WDFY2: variants seen among roughly 807,000 people sequenced by gnomAD.
WDFY2 encodes WD repeat and FYVE domain containing 2.
A neutral mutation model predicts 56.4 loss-of-function variants in WDFY2; 36 were observed. The observed-to-expected ratio is 0.64, with a 90% CI of 0.49 to 0.84. WDFY2 has a LOEUF of 0.84. Among genes scored for constraint, WDFY2 ranks in the 40% least tolerant of loss-of-function variants. The pLI, the probability that WDFY2 is intolerant of heterozygous loss-of-function variation, is 0.00. For synonymous variants in WDFY2, 176 were observed against 183.7 expected (o/e 0.96, Z 0.34); for missense variants, 444 against 512.2 (o/e 0.87, Z 1.29).
rs149905645 is a variant in WDFY2 at position 51,739,086 on chromosome 13, G to A, written c.636G>A (p.Arg212=). 1.3e-4 allele frequency: 204 copies of A among 1,601,674 alleles called. No homozygotes were observed. The highest frequency in any genetic ancestry group is 1.7e-4 in the Non-Finnish European group (197 of 1,174,456). ...CTCTCTGTTGGGACCCAGTCCAGCG[G>A]GTGTTGTTCTCAGGCAGTTCAGATC... ...VTALCWDPVQ[R]VLFSGSSDHS... is the part of the protein sequence containing the mutation. The change falls in exon 7 of 12, where the codon CGG becomes CGA. Residue 212 remains arginine (R), a synonymous_variant. Transcript: ENST00000298125.
In WDFY2 at chr13:51,584,493, G is replaced by A; in HGVS notation, c.-195G>A. Reference sequence around the variant, plus strand: ...GCGCCGGCTTGCATCCCAGGTCGTGGCGGTTTTGGTGCCTGAAGCAGGGAG... The same window carrying A: ...GCGCCGGCTTGCATCCCAGGTCGTGACGGTTTTGGTGCCTGAAGCAGGGAG... On this transcript the variant is annotated 5_prime_UTR_variant, in exon 1 of 12. Coordinates refer to ENST00000298125, the MANE Select transcript of WDFY2 (RefSeq NM_052950.4). The A allele has an allele frequency of 7.3e-6, 5 of 682,420 alleles. No individual in the cohort carries two copies. Among genetic ancestry groups the A allele is most frequent in the Non-Finnish European group, 1.1e-5 (5 of 435,546 alleles). The allele number at this position is 682,420 out of a possible 1,614,324, so 42.3% of individuals were successfully genotyped here.
intron 3 of WDFY2, among the ~76,000 whole-genome samples, chr13:51,680,461 A>T (rs927141336): frequency 1.3e-5 from 2 of 152,178 alleles, no homozygotes; most frequent in Non-Finnish European, 2.9e-5. Context: ...CTAATCCAGT[A>T]TGATCCTGTC....
chr13:51,745,950 C>CTTTTCT lies in WDFY2; in HGVS notation c.726-5337_726-5332dup, dbSNP rs1306519420. Among the ~76,000 whole-genome samples the CTTTTCT allele has an allele frequency of 9.3e-3, 1,296 of 139,530 alleles. 12 individuals carry two copies. Among genetic ancestry groups the CTTTTCT allele is most frequent in the Non-Finnish European group, 0.016 (999 of 63,498 alleles). 91.5% of individuals were successfully genotyped at this position (139,530 alleles called of 152,430 possible). A position where few individuals can be genotyped will look rare whatever the true frequency, so the allele number is the denominator to read the frequency against. ...TTTTTATAAAGAATCTTGCACTGGACTTTTCTTTTTCTTTTTCTTTTTCTT... is the reference window on the plus strand; with the variant it reads ...TTTTTATAAAGAATCTTGCACTGGACTTTTCTTTTTCTTTTTCTTTTTCTTTTTCTT... On this transcript the variant is annotated intron_variant, in intron 7 of 11. Transcript: ENST00000298125.
intron 1 of WDFY2, chr13:51,593,926 G>A (rs1000392207): frequency 2.0e-5 from 3 of 152,194 alleles, no homozygotes; most frequent in Non-Finnish European, 4.4e-5. Flanking sequence ...ATGAGAGACA[G>A]GGTCTCACCA....
chr13:51,660,249 T>C (rs1291194494), intron 1 of WDFY2, among the ~76,000 whole-genome samples: 1 of 151,972 alleles, frequency 6.6e-6, no homozygotes, highest in African/African-American at 2.4e-5. Context: ...CAGGCTGGAG[T>C]GCAGTGGCAT....
intron 4 of WDFY2, among the ~76,000 whole-genome samples, chr13:51,713,102 GAA>G (rs1566167745): frequency 6.6e-6 from 1 of 152,150 alleles, no homozygotes; most frequent in Non-Finnish European, 1.5e-5. Flanking sequence ...TTGCAGAAGT[GAA>G]AGACTTTCCA....
chr13:51,719,840 A>G (rs937629904), intron 5 of WDFY2, among the ~76,000 whole-genome samples: 1 of 152,204 alleles, frequency 6.6e-6, no homozygotes, highest in Non-Finnish European at 1.5e-5. Context: ...GCTGGTATCT[A>G]CATGGTAATG....
intron 1 of WDFY2, among the ~76,000 whole-genome samples, chr13:51,634,090 AG>A (rs780784887): frequency 3.3e-5 from 5 of 152,200 alleles, no homozygotes; most frequent in Non-Finnish European, 5.9e-5. Context: ...TTTTTGCCTC[AG>A]TTCATCAGCT....
At chr13:51,694,834 T>G (rs1002129013) in intron 3 of WDFY2, among the ~76,000 whole-genome samples, 2 of 152,126 alleles carry the variant, frequency 1.3e-5, no homozygotes, top group African/African-American at 2.4e-5. Flanking sequence ...AGACGTAGAT[T>G]TGGTCTTTTC....
chr13:51,584,470 G>T lies in WDFY2; in HGVS notation c.-218G>T, dbSNP rs552330711. ...CTCCGCCCCCTCCTCTTGTAGTGGC[G>T]CCGGCTTGCATCCCAGGTCGTGGCG... On this transcript the variant is annotated 5_prime_UTR_variant, in exon 1 of 12. Transcript: ENST00000298125. The T allele has an allele frequency of 1.7e-5, 10 of 577,718 alleles. No individual in the cohort carries two copies. In the East Asian group the frequency reaches 3.2e-4, roughly 19 times the overall value. 35.8% of individuals were successfully genotyped at this position (577,718 alleles called of 1,614,324 possible). A position where few individuals can be genotyped will look rare whatever the true frequency, so the allele number is the denominator to read the frequency against.
chr13:51,709,543 C>T (rs1311774923), intron 4 of WDFY2, among the ~76,000 whole-genome samples: 1 of 151,714 alleles, frequency 6.6e-6, no homozygotes, highest in East Asian at 1.9e-4. Flanking sequence ...ACTAGCAAAA[C>T]TAATAAAGAG....
At chr13:51,706,145 A>G in intron 4 of WDFY2, among the ~76,000 whole-genome samples, 1 of 152,232 alleles carries the variant, frequency 6.6e-6, no homozygotes, top group Non-Finnish European at 1.5e-5. Context: ...AAAATTGATA[A>G]CTAGAGTACT....
intron 4 of WDFY2, among the ~76,000 whole-genome samples, chr13:51,718,222 A>T (rs1314682758): frequency 1.3e-5 from 2 of 152,168 alleles, no homozygotes; most frequent in South Asian, 4.1e-4. Flanking sequence ...CCTTGGGAGC[A>T]GGGCCCAGTG....
intron 3 of WDFY2, among the ~76,000 whole-genome samples, chr13:51,680,264 G>T (rs891105730): frequency 2.6e-5 from 4 of 152,074 alleles, no homozygotes; most frequent in African/African-American, 9.7e-5. Context: ...ACCATACCTG[G>T]CTAATGTTTT....
intron 1 of WDFY2, among the ~76,000 whole-genome samples, chr13:51,617,501 C>T (rs1265376436): frequency 9.2e-5 from 14 of 152,150 alleles, no homozygotes; most frequent in Admixed American, 9.2e-4. Flanking sequence ...CTCATCTGGA[C>T]ATCATGAAGT....
At chr13:51,638,313 A>G (rs1373126643) in intron 1 of WDFY2, among the ~76,000 whole-genome samples, 2 of 152,192 alleles carry the variant, frequency 1.3e-5, no homozygotes, top group Non-Finnish European at 2.9e-5. Flanking sequence ...GTGGGGTATT[A>G]ATGAGAGTGT....
At chr13:51,681,701 A>G (rs540260572) in intron 3 of WDFY2, among the ~76,000 whole-genome samples, 45 of 152,296 alleles carry the variant, frequency 3.0e-4, no homozygotes, top group African/African-American at 1.0e-3. Flanking sequence ...ATGAAAATAT[A>G]TGCATATTTT....
At chr13:51,723,965 T>C (rs1011609135) in intron 5 of WDFY2, among the ~76,000 whole-genome samples, 2 of 152,190 alleles carry the variant, frequency 1.3e-5, no homozygotes, top group Non-Finnish European at 2.9e-5. Flanking sequence ...AATACAATTA[T>C]TATAGGAAAA....
chr13:51,719,583 G>C (rs1009083358), intron 5 of WDFY2, among the ~76,000 whole-genome samples: 4 of 152,210 alleles, frequency 2.6e-5, no homozygotes. Flanking sequence ...TGAGCCTACT[G>C]TAACATGAGG....
Sources: allele counts gnomAD v4.1 joint callset (sites outside exome capture counted in the v4.1 genomes callset), GRCh38; gene constraint gnomAD v4.1.1; transcripts MANE v1.5; gene names NCBI Gene and HGNC (gene_info 2026-07-23, HGNC 2026-07-21).